Variants in LARP4B observed in about 807,000 individuals in gnomAD.
LARP4B encodes La ribonucleoprotein 4B.
Under a neutral mutation model 89.8 loss-of-function variants are expected in LARP4B, and 12 were observed. The observed-to-expected ratio is 0.13, with a 90% CI of 0.09 to 0.22. The LOEUF is 0.22. LARP4B is among the 10% of genes least tolerant of loss of function. The pLI, the probability that LARP4B is intolerant of heterozygous loss-of-function variation, is 1.00. For missense variants in LARP4B, 757 were observed against 947.7 expected, an observed-to-expected ratio of 0.80 and a Z score of 2.64; for synonymous variants, 367 against 363.3, an observed-to-expected ratio of 1.01 and a Z score of -0.12.
upstream of LARP4B, among the ~76,000 whole-genome samples, chr10:932,065 G>A (rs565352580): frequency 2.8e-3 from 423 of 150,464 alleles, 5 homozygotes; most frequent in East Asian, 0.02. Context: ...CCGGAGGGCT[G>A]GGCCCTGGTC....
the LARP4B span, among the ~76,000 whole-genome samples, chr10:977,701 G>T: frequency 6.6e-6 from 1 of 152,242 alleles, no homozygotes; most frequent in African/African-American, 2.4e-5. Context: ...CATTTACATT[G>T]TATTAGGTAT....
the LARP4B span, among the ~76,000 whole-genome samples, chr10:968,992 G>A: frequency 0.017 from 2,617 of 152,286 alleles, 74 homozygotes; most frequent in African/African-American, 0.059. Flanking sequence ...CTTCGGAGTC[G>A]GTAGAACACA....
intron 5 of LARP4B, among the ~76,000 whole-genome samples, chr10:852,270 G>GGAATCCAGTAGTATATCCAAA (rs1834094355): frequency 6.6e-6 from 1 of 152,164 alleles, no homozygotes; most frequent in South Asian, 2.1e-4. Context: ...TTTGGTAAAT[G>GGAATCCAGTAGTATATCCAAA]GAATCCAGTA....
intron 1 of LARP4B, among the ~76,000 whole-genome samples, chr10:928,147 G>A (rs185811926): frequency 1.0e-3 from 155 of 151,544 alleles, no homozygotes; most frequent in East Asian, 2.3e-3. Context: ...ACCTGAACCC[G>A]AGAGGCGGAG....
intron 2 of LARP4B, 137 bp downstream of exon 2, chr10:885,504 C>A: frequency 1.8e-6 from 1 of 546,478 alleles, no homozygotes; most frequent in Non-Finnish European, 3.2e-6. Context: ...CTTTTCTCCC[C>A]TACGAGACTC....
intron 3 of LARP4B, among the ~76,000 whole-genome samples, chr10:864,797 T>C (rs1157200612): frequency 6.6e-6 from 1 of 151,960 alleles, no homozygotes; most frequent in Non-Finnish European, 1.5e-5. Context: ...CTACTAAAAA[T>C]ACAAAATTAG....
intron 1 of LARP4B, among the ~76,000 whole-genome samples, chr10:914,175 C>G (rs1456478012): frequency 2.0e-5 from 3 of 152,130 alleles, no homozygotes; most frequent in African/African-American, 7.2e-5. Context: ...TAAAACAGTT[C>G]AAAATTACTT....
At chr10:888,363 C>CAA (rs1302800332) in intron 1 of LARP4B, among the ~76,000 whole-genome samples, 2 of 150,636 alleles carry the variant, frequency 1.3e-5, no homozygotes, top group Non-Finnish European at 3.0e-5. Flanking sequence ...CACACACACA[C>CAA]ACAAACAAAA....
At chr10:824,494 A>AAAACAAACAAAC (rs149582198) in intron 13 of LARP4B, among the ~76,000 whole-genome samples, 7 of 151,876 alleles carry the variant, frequency 4.6e-5, no homozygotes, top group African/African-American at 1.7e-4. Flanking sequence ...CCCTGTCTTA[A>AAAACAAACAAAC]AAACAAACAA....
intron 1 of LARP4B, among the ~76,000 whole-genome samples, chr10:918,632 CA>C (rs57396015): frequency 0.069 from 3,343 of 48,444 alleles, 17 homozygotes; most frequent in Admixed American, 0.098. Flanking sequence ...GACCCTGTCT[CA>C]AAAAAAAAAA....
intron 1 of LARP4B, among the ~76,000 whole-genome samples, chr10:924,132 T>C (rs1224805681): frequency 2.6e-5 from 4 of 152,062 alleles, no homozygotes; most frequent in Non-Finnish European, 5.9e-5. Context: ...GGGTCCCAGC[T>C]ACTCGGGAGG....
At chr10:957,421 C>T in the LARP4B span, among the ~76,000 whole-genome samples, 1 of 152,242 alleles carries the variant, frequency 6.6e-6, no homozygotes, top group South Asian at 2.1e-4. Context: ...CCACCTCGGC[C>T]TCCCAAAGTG....
chr10:863,891 TAGG>T lies in LARP4B; in HGVS notation c.290-11_290-9del. ...CACCATTGGCATCCGATCCTACAAT[TAGG>T]AGTTTACCCCAAAAAGGCAGGGTTA... On this transcript the variant is annotated splice_polypyrimidine_tract_variant and intron_variant, in intron 4 of 17. Coordinates refer to ENST00000316157, the MANE Select transcript of LARP4B (RefSeq NM_015155.3). 6.2e-7 allele frequency: 1 copy of T among 1,606,588 alleles called. No individual in the cohort carries two copies. The highest frequency in any genetic ancestry group is 1.1e-5 in the South Asian group (1 of 89,448).
In LARP4B at chr10:853,173, A is replaced by C. The variant is rs115324037; in HGVS notation, c.431-8118T>G. 1.9e-3 allele frequency among the ~76,000 whole-genome samples: 282 copies of C among 152,284 alleles called. 1 individual carries two copies. Among genetic ancestry groups the C allele is most frequent in the African/African-American group, 6.2e-3 (258 of 41,556 alleles). The stretch of plus-strand genomic sequence containing the variant: ...CAGAGTTGGAAGGCTATCACTACCT[A>C]ATTTCAAGAATTATTAACAGTACAG... On this transcript the variant is annotated intron_variant, in intron 5 of 17. Transcript: ENST00000316157.
At chr10:840,289 C>G (rs1487492730) in intron 7 of LARP4B, among the ~76,000 whole-genome samples, 1 of 152,144 alleles carries the variant, frequency 6.6e-6, no homozygotes, top group Non-Finnish European at 1.5e-5. Flanking sequence ...GCACTTCATG[C>G]CTCGCCCAAC....
chr10:900,058 A>C (rs1048361704), intron 1 of LARP4B, among the ~76,000 whole-genome samples: 1 of 152,148 alleles, frequency 6.6e-6, no homozygotes, highest in Non-Finnish European at 1.5e-5. Context: ...TCAGAAGCAC[A>C]ATCATGGCCA....
At chr10:903,382 T>C (rs1392049094) in intron 1 of LARP4B, 4 of 152,254 alleles carry the variant, frequency 2.6e-5, no homozygotes, top group South Asian at 4.1e-4. Flanking sequence ...TTCAATCTTT[T>C]ATAATTTACT....
At chr10:842,015 G>C (rs1833541974) in intron 7 of LARP4B, among the ~76,000 whole-genome samples, 2 of 151,520 alleles carry the variant, frequency 1.3e-5, no homozygotes, top group Admixed American at 1.3e-4. Context: ...CGTCAGTACA[G>C]ATAAGCCAGG....
rs150706562 is a variant in LARP4B at position 879,332 on chromosome 10, A to G, written c.141+5115T>C. On this transcript the variant is annotated intron_variant, in intron 3 of 17. Transcript: ENST00000316157. ...CCCCCATCCTGGGGCAAGTTCTCCG[A>G]AGTACCAGGAGACCAAGAACCGTGC... is the stretch of plus-strand genomic sequence containing the variant. Among the ~76,000 whole-genome samples, 303 of 152,350 alleles carry G rather than the reference A, an allele frequency of 2.0e-3. 3 individuals are homozygous for G. Among genetic ancestry groups the G allele is most frequent in the South Asian group, 0.017 (84 of 4,828 alleles).
Sources: allele counts gnomAD v4.1 joint callset (sites outside exome capture counted in the v4.1 genomes callset), GRCh38; gene constraint gnomAD v4.1.1; transcripts MANE v1.5; gene names NCBI Gene and HGNC (gene_info 2026-07-23, HGNC 2026-07-21).